The following CCDC141 variants were observed in gnomAD, a reference collection of about 807,000 sequenced individuals.
CCDC141 encodes the protein coiled-coil domain-containing protein 141.
CCDC141 carries 168 observed loss-of-function variants against 181.0 expected under a neutral mutation model. The observed-to-expected ratio is 0.93, with a 90% confidence interval of 0.82 to 1.05. CCDC141 has a LOEUF of 1.05. Among genes scored for constraint, CCDC141 ranks in the 50% least tolerant of loss-of-function variants. The pLI, the probability that CCDC141 is intolerant of heterozygous loss-of-function variation, is 0.00. For synonymous variants in CCDC141, 666 were observed against 642.3 expected (o/e 1.04, Z -0.56); for missense variants, 1,902 against 1,788.5 (o/e 1.06, Z -1.14).
Position 178,984,448 on chromosome 2 carries a change from C to A in CCDC141, c.226-5773G>T, listed in dbSNP as rs545199011. ...CCAGCTAACATCATAATGACAGGAT[C>A]AAATTCACACATAACACTACTAACT... On this transcript the variant is annotated intron_variant, in intron 2 of 23. Coordinates refer to ENST00000443758, the MANE Select transcript of CCDC141 (RefSeq NM_173648.4). Among the ~76,000 whole-genome samples, 322 of 151,900 alleles carry A rather than the reference C, an allele frequency of 2.1e-3. 3 individuals are homozygous for A. Among genetic ancestry groups the A allele is most frequent in the African/African-American group, 7.5e-3 (310 of 41,432 alleles).
At position 178,909,578 on chromosome 2, in the gene CCDC141, AG is replaced by A. The variant is rs1688130732; in HGVS notation, c.1093-4078del. ...CTGTGATTGTCTGAATTATACACAA[AG>A]CTCATCTCTCTTATTCCCATGCAGA... is the stretch of plus-strand genomic sequence containing the variant. On this transcript the variant is annotated intron_variant, in intron 7 of 23. Coordinates refer to ENST00000443758, the MANE Select transcript of CCDC141 (RefSeq NM_173648.4). Among the ~76,000 whole-genome samples the A allele has an allele frequency of 3.3e-5, 5 of 152,328 alleles. No homozygotes were observed. In the South Asian group the frequency reaches 1.0e-3, roughly 32 times the overall value.
rs116012909 is a variant in CCDC141, at chr2:178,964,756, T to A, written c.527-3273A>T. ...CAGTTGATCTTACAAAGTGATGTGT[T>A]TTTCCCCAAGAGTAAACTGTCTAGA... On this transcript the variant is annotated intron_variant, in intron 4 of 23. Coordinates refer to ENST00000443758, the MANE Select transcript of CCDC141 (RefSeq NM_173648.4). Among the ~76,000 whole-genome samples, 186 of 152,302 alleles carry A rather than the reference T, an allele frequency of 1.2e-3. 3 individuals are homozygous for A. The highest frequency in any genetic ancestry group is 1.5e-3 in the Non-Finnish European group (99 of 68,034).
intron 20 of CCDC141, among the ~76,000 whole-genome samples, 180 bp from the exon 21 acceptor site, chr2:178,850,341 A>G (rs1483331236): frequency 6.6e-6 from 1 of 152,258 alleles, no homozygotes; most frequent in Admixed American, 6.5e-5. Context: ...TAGATATTCT[A>G]GGAAAATGAT....
intron 2 of CCDC141, among the ~76,000 whole-genome samples, chr2:179,041,495 T>G (rs995407180): frequency 7.9e-6 from 1 of 127,106 alleles, no homozygotes; most frequent in Non-Finnish European, 1.6e-5. Flanking sequence ...TTGTGGGTTT[T>G]TTTTTTTTTT....
At chr2:178,923,990 C>T (rs1346239252) in intron 6 of CCDC141, among the ~76,000 whole-genome samples, 1 of 151,944 alleles carries the variant, frequency 6.6e-6, no homozygotes, top group East Asian at 1.9e-4. Context: ...CAAGCAGATC[C>T]AAAAAGTAAG....
the CCDC141 span, among the ~76,000 whole-genome samples, chr2:178,824,737 G>A: frequency 1.3e-5 from 2 of 151,594 alleles, no homozygotes; most frequent in African/African-American, 4.9e-5. Context: ...ATCTTTCATG[G>A]TGTTCATAAT....
downstream of CCDC141, among the ~76,000 whole-genome samples, chr2:178,827,140 T>G (rs1006358329): frequency 2.6e-5 from 4 of 152,210 alleles, no homozygotes; most frequent in African/African-American, 9.6e-5. Context: ...TGCTGTTTAA[T>G]CTACAGGTAT....
At chr2:178,834,556 T>G (rs1575110167) in intron 23 of CCDC141, 116 bp from the exon 24 acceptor site, 3 of 1,182,298 alleles carry the variant, frequency 2.5e-6, no homozygotes, top group East Asian at 5.1e-5. Flanking sequence ...TTAGGATTAG[T>G]AGGAACCTTG....
At chr2:178,973,872 G>A (rs946768419) in intron 4 of CCDC141, among the ~76,000 whole-genome samples, 17 of 152,280 alleles carry the variant, frequency 1.1e-4, no homozygotes, top group East Asian at 1.9e-4. Context: ...GGAATTTCAC[G>A]TGATTCTACT....
Position 179,050,044 on chromosome 2 carries a change from G to A in CCDC141, c.-103C>T. On this transcript the variant is annotated 5_prime_UTR_variant, in exon 1 of 24. Transcript: ENST00000443758. ...GGTTACTTGGATTCATTCAGGGAAA[G>A]AGCTCAGCTCACACTGATTACTCTG... 2.0e-6 allele frequency: 3 copies of A among 1,520,402 alleles called. No individual in the cohort carries two copies. The highest frequency in any genetic ancestry group is 2.7e-6 in the Non-Finnish European group (3 of 1,129,836). 94.2% of individuals were successfully genotyped at this position (1,520,402 alleles called of 1,614,324 possible).
chr2:179,018,704 G>T (rs562133439), intron 2 of CCDC141, among the ~76,000 whole-genome samples: 2 of 152,212 alleles, frequency 1.3e-5, no homozygotes, highest in East Asian at 3.9e-4. Context: ...TCCTAATGTG[G>T]TTGTTATGTT....
chr2:179,003,010 A>G (rs145505807), intron 2 of CCDC141, among the ~76,000 whole-genome samples: 20 of 152,300 alleles, frequency 1.3e-4, no homozygotes, highest in South Asian at 4.2e-4. Context: ...ATTTAACTTG[A>G]TTGATGTATT....
At chr2:178,964,622 T>C (rs572551277) in intron 4 of CCDC141, among the ~76,000 whole-genome samples, 1 of 152,342 alleles carries the variant, frequency 6.6e-6, no homozygotes, top group African/African-American at 2.4e-5. Context: ...ACGATGGCTG[T>C]TGAGGTGGAT....
chr2:179,009,856 G>C (rs2042218142), intron 2 of CCDC141, among the ~76,000 whole-genome samples: 3 of 152,074 alleles, frequency 2.0e-5, no homozygotes. Context: ...TAATCAGGGA[G>C]GGATCAGAGA....
At chr2:178,921,555 T>C (rs907568597) in intron 6 of CCDC141, among the ~76,000 whole-genome samples, 2 of 150,480 alleles carry the variant, frequency 1.3e-5, no homozygotes, top group African/African-American at 2.4e-5. Flanking sequence ...GGTTTTCGTT[T>C]GTTTTTGTTT....
At chr2:178,948,157 T>C (rs1689806937) in intron 5 of CCDC141, among the ~76,000 whole-genome samples, 1 of 151,798 alleles carries the variant, frequency 6.6e-6, no homozygotes, top group Non-Finnish European at 1.5e-5. Flanking sequence ...GCCAAGATCA[T>C]GCCACTGCAC....
chr2:178,881,670 C>T (rs1435604489), intron 11 of CCDC141, among the ~76,000 whole-genome samples: 1 of 151,954 alleles, frequency 6.6e-6, no homozygotes, highest in Non-Finnish European at 1.5e-5. Flanking sequence ...ATATCTTCTT[C>T]CCATTTCAAG....
At chr2:178,992,614 G>A (rs1441063579) in intron 2 of CCDC141, among the ~76,000 whole-genome samples, 1 of 152,096 alleles carries the variant, frequency 6.6e-6, no homozygotes, top group East Asian at 1.9e-4. Flanking sequence ...AATAAACTGT[G>A]AACAGTTTTG....
intron 2 of CCDC141, among the ~76,000 whole-genome samples, chr2:179,014,465 G>C (rs2042367447): frequency 6.6e-6 from 1 of 152,088 alleles, no homozygotes; most frequent in South Asian, 2.1e-4. Context: ...AAAAGGAACA[G>C]TCAGCAAAGT....
Sources: gnomAD v4.1 joint callset for allele counts (sites outside exome capture counted in the v4.1 genomes callset) on GRCh38, gnomAD v4.1.1 for gene constraint, MANE v1.5 for transcripts, NCBI Gene and HGNC (gene_info 2026-07-23, HGNC 2026-07-21) for gene names.